The following RGS6 variants were observed in gnomAD, a reference collection of about 807,000 sequenced individuals.
RGS6 encodes regulator of G protein signaling 6.
In RGS6, 30 loss-of-function variants were observed where a neutral mutation model predicts 78.5. The ratio of observed to expected loss-of-function variants is 0.38; its 90% CI spans 0.29 to 0.52. The LOEUF is 0.52. Ranked by LOEUF, RGS6 falls within the 20% of genes least tolerant of loss-of-function variation. The probability of loss-of-function intolerance (pLI) is 0.85; values close to 1 mark genes in which losing one functional copy is unlikely to be tolerated. For missense variants in RGS6, 495 were observed against 609.7 expected, an observed-to-expected ratio of 0.81 and a Z score of 1.98; for synonymous variants, 206 against 206.0, an observed-to-expected ratio of 1.00 and a Z score of 0.00.
chr14:71,924,841 T>G, the RGS6 span, among the ~76,000 whole-genome samples: 1 of 152,218 alleles, frequency 6.6e-6, no homozygotes, highest in African/African-American at 2.4e-5. Context: ...ACTTAAGTTG[T>G]TCCCATAACC....
chr14:72,611,651 C>A, the RGS6 span, among the ~76,000 whole-genome samples: 1 of 152,200 alleles, frequency 6.6e-6, no homozygotes, highest in Non-Finnish European at 1.5e-5. Flanking sequence ...TCTGGGGACA[C>A]TGGCTGCCCA....
chr14:72,093,455 G>A (rs2095329371), intron 2 of RGS6, among the ~76,000 whole-genome samples: 1 of 152,098 alleles, frequency 6.6e-6, no homozygotes. Flanking sequence ...TGTCGACCAG[G>A]GTGGTCTTGA....
chr14:72,261,764 A>C (rs528125156), intron 2 of RGS6, among the ~76,000 whole-genome samples: 1 of 152,258 alleles, frequency 6.6e-6, no homozygotes, highest in African/African-American at 2.4e-5. Context: ...TCTTGTTCAA[A>C]ATTGAAGTCT....
chr14:71,985,437 G>A (rs2094663784), intron 2 of RGS6, among the ~76,000 whole-genome samples: 2 of 152,136 alleles, frequency 1.3e-5, no homozygotes, highest in Non-Finnish European at 2.9e-5. Context: ...AGTTTTAAAG[G>A]TTGAATAATA....
intron 2 of RGS6, among the ~76,000 whole-genome samples, chr14:71,967,780 C>T (rs775579646): frequency 3.9e-5 from 6 of 152,036 alleles, no homozygotes; most frequent in Admixed American, 6.6e-5. Context: ...GGTAAACTTT[C>T]GAGTAATAAG....
chr14:72,152,101 GAC>G, intron 2 of RGS6, among the ~76,000 whole-genome samples: 1 of 152,280 alleles, frequency 6.6e-6, no homozygotes, highest in Non-Finnish European at 1.5e-5. Flanking sequence ...TAAAGTGACT[GAC>G]ACATACAGTT....
intron 1 of RGS6, among the ~76,000 whole-genome samples, chr14:71,943,681 G>A (rs997550782): frequency 5.9e-5 from 9 of 152,216 alleles, no homozygotes; most frequent in African/African-American, 2.2e-4. Context: ...AGCAGGAAGA[G>A]AAGTGAAAAA....
intron 2 of RGS6, among the ~76,000 whole-genome samples, chr14:72,025,677 G>C (rs2089704692): frequency 6.6e-6 from 1 of 152,072 alleles, no homozygotes; most frequent in Admixed American, 6.6e-5. Flanking sequence ...TTTCAAATTA[G>C]TAATATACAT....
chr14:72,021,088 C>CT (rs1330255593), intron 2 of RGS6, among the ~76,000 whole-genome samples: 3 of 152,220 alleles, frequency 2.0e-5, no homozygotes, highest in Non-Finnish European at 4.4e-5. Flanking sequence ...CTGTTCTCTG[C>CT]TGATGGAGCC....
At chr14:72,583,655 G>A in the RGS6 span, among the ~76,000 whole-genome samples, 13 of 152,186 alleles carry the variant, frequency 8.5e-5, no homozygotes, top group African/African-American at 3.1e-4. Context: ...GCTTCCCTCT[G>A]GCTCAGCCTT....
At chr14:72,385,122 C>T (rs529637385) in intron 3 of RGS6, among the ~76,000 whole-genome samples, 6 of 152,300 alleles carry the variant, frequency 3.9e-5, no homozygotes, top group African/African-American at 1.2e-4. Flanking sequence ...CTTGAGAACA[C>T]ACCTTGCTTG....
rs1051447497 is a variant in RGS6, at chr14:72,526,204, C to T, written c.1278+7667C>T. On this transcript the variant is annotated intron_variant, in intron 15 of 17. Coordinates refer to ENST00000553525, the MANE Select transcript of RGS6 (RefSeq NM_001204424.2). ...CTGCAAGCTCTGCCTCCTGGGTTCA[C>T]GCCATTCTCTTGCCTCAGCCTCCTG... Among the ~76,000 whole-genome samples the T allele has an allele frequency of 5.9e-5, 9 of 151,692 alleles. 1 individual carries two copies. In the South Asian group the frequency reaches 6.2e-4, roughly 11 times the overall value.
At chr14:72,081,766 A>G (rs2094834590) in intron 2 of RGS6, among the ~76,000 whole-genome samples, 2 of 152,118 alleles carry the variant, frequency 1.3e-5, no homozygotes, top group Non-Finnish European at 2.9e-5. Flanking sequence ...TCAACTCAGC[A>G]AAAACTTCAA....
At chr14:72,070,247 G>C (rs933552457) in intron 2 of RGS6, among the ~76,000 whole-genome samples, 2 of 152,084 alleles carry the variant, frequency 1.3e-5, no homozygotes, top group East Asian at 3.9e-4. Flanking sequence ...TTTGTTATGA[G>C]GATTCTTCCA....
intron 2 of RGS6, among the ~76,000 whole-genome samples, chr14:72,265,265 G>A (rs1567614756): frequency 6.6e-6 from 1 of 152,242 alleles, no homozygotes; most frequent in African/African-American, 2.4e-5. Context: ...CATACATGAC[G>A]GATCAGAAAA....
At chr14:72,200,192 A>G (rs2041170487) in intron 2 of RGS6, among the ~76,000 whole-genome samples, 1 of 152,188 alleles carries the variant, frequency 6.6e-6, no homozygotes, top group African/African-American at 2.4e-5. Flanking sequence ...CTCAACATAG[A>G]TTCCTACTTT....
intron 2 of RGS6, among the ~76,000 whole-genome samples, chr14:72,294,999 C>T (rs1300266545): frequency 6.6e-6 from 1 of 152,170 alleles, no homozygotes; most frequent in Non-Finnish European, 1.5e-5. Flanking sequence ...AACATCAGAA[C>T]CCTTTGTTCA....
chr14:72,558,262 A>G (rs1467846232), intron 17 of RGS6, among the ~76,000 whole-genome samples: 1 of 152,134 alleles, frequency 6.6e-6, no homozygotes, highest in African/African-American at 2.4e-5. Context: ...CAGCAAAAGA[A>G]TCTCATCAGA....
At chr14:71,991,054 C>G in intron 2 of RGS6, 1 of 354,384 alleles carries the variant, frequency 2.8e-6, no homozygotes, top group South Asian at 2.1e-5. Flanking sequence ...GTTTGTCTCC[C>G]TAGGATATTG....
Sources: gnomAD v4.1 joint callset for allele counts (sites outside exome capture counted in the v4.1 genomes callset) on GRCh38, gnomAD v4.1.1 for gene constraint, MANE v1.5 for transcripts, NCBI Gene and HGNC (gene_info 2026-07-23, HGNC 2026-07-21) for gene names.